CACNB2: variants seen among roughly 807,000 people sequenced by gnomAD.
The protein encoded by CACNB2 is calcium voltage-gated channel auxiliary subunit beta 2.
A neutral mutation model predicts 73.3 loss-of-function variants in CACNB2; 42 were observed. The ratio of observed to expected loss-of-function variants is 0.57; its 90% CI spans 0.45 to 0.74. The LOEUF is 0.74. Among genes scored for constraint, CACNB2 ranks in the 30% least tolerant of loss-of-function variants. The pLI is 0.00. For synonymous variants in CACNB2, 348 were observed against 310.3 expected (o/e 1.12, Z -1.28); for missense variants, 940 against 853.0 (o/e 1.10, Z -1.27).
At chr10:18,312,345 C>T (rs191319622) in intron 2 of CACNB2, among the ~76,000 whole-genome samples, 80 of 152,210 alleles carry the variant, frequency 5.3e-4, no homozygotes, top group African/African-American at 1.8e-3. Context: ...TGCACAAGCT[C>T]CTTTACATAA....
At chr10:18,241,441 G>A (rs866548821) in intron 2 of CACNB2, among the ~76,000 whole-genome samples, 18 of 152,268 alleles carry the variant, frequency 1.2e-4, no homozygotes, top group African/African-American at 3.9e-4. Flanking sequence ...TCACGAGGTG[G>A]GAGGCTAGGG....
chr10:18,233,294 C>A (rs2036294685), intron 2 of CACNB2, among the ~76,000 whole-genome samples: 1 of 152,104 alleles, frequency 6.6e-6, no homozygotes, highest in Admixed American at 6.5e-5. Context: ...ACAGTTTATG[C>A]TTGAGGATGG....
At chr10:18,167,025 A>G (rs1027272653) in intron 2 of CACNB2, among the ~76,000 whole-genome samples, 2 of 152,200 alleles carry the variant, frequency 1.3e-5, no homozygotes, top group Non-Finnish European at 2.9e-5. Context: ...GAAATCCTGG[A>G]AAGCCCTGGG....
chr10:18,526,259 CCTGGCTACCAAAA>C (rs1392791607), intron 9 of CACNB2, among the ~76,000 whole-genome samples: 22 of 152,164 alleles, frequency 1.4e-4, no homozygotes, highest in Non-Finnish European at 2.8e-4. Flanking sequence ...TAAATATAAG[CCTGGCTACCAAAA>C]CTGTACAATG....
At chr10:18,469,392 G>A (rs762658411) in intron 3 of CACNB2, among the ~76,000 whole-genome samples, 27 of 152,084 alleles carry the variant, frequency 1.8e-4, no homozygotes, top group East Asian at 3.9e-4. Context: ...CCTTTATTTC[G>A]TTGCTAATAT....
chr10:18,258,477 C>G (rs1056064966), intron 2 of CACNB2, among the ~76,000 whole-genome samples: 2 of 152,086 alleles, frequency 1.3e-5, no homozygotes, highest in African/African-American at 4.8e-5. Context: ...CCTGTAATCC[C>G]AGCACTTTGG....
At chr10:18,227,645 G>C (rs11814908) in intron 2 of CACNB2, among the ~76,000 whole-genome samples, 31,498 of 152,090 alleles carry the variant, frequency 0.21, 3,947 homozygotes, top group African/African-American at 0.36. Flanking sequence ...AAGACAGGCA[G>C]ATCTCTGCGC....
chr10:18,484,962 C>T (rs181108819), intron 3 of CACNB2, among the ~76,000 whole-genome samples: 1 of 152,138 alleles, frequency 6.6e-6, no homozygotes, highest in African/African-American at 2.4e-5. Flanking sequence ...GGAGACCAGC[C>T]TGGACAACAT....
intron 2 of CACNB2, among the ~76,000 whole-genome samples, chr10:18,393,131 C>T (rs2043557399): frequency 6.6e-6 from 1 of 151,144 alleles, no homozygotes; most frequent in Non-Finnish European, 1.5e-5. Context: ...ATCGCTTGAA[C>T]CCGGGAAGCG....
At position 18,295,837 on chromosome 10, in the gene CACNB2, T is replaced by C. The variant is rs138591715; in HGVS notation, c.214-106087T>C. On this transcript the variant is annotated intron_variant, in intron 2 of 13. Transcript: ENST00000324631. ...TGGCTAAAAGACTAACAATGACAAT[T>C]AAACATACTGCATAGACGATGAGAC... Among the ~76,000 whole-genome samples, 845 of 152,230 alleles carry C rather than the reference T, an allele frequency of 5.6e-3. 3 individuals are homozygous for C. Among genetic ancestry groups the C allele is most frequent in the Middle Eastern group, 6.8e-3 (2 of 294 alleles).
chr10:18,301,856 C>T (rs1179775904), intron 2 of CACNB2, among the ~76,000 whole-genome samples: 1 of 151,858 alleles, frequency 6.6e-6, no homozygotes, highest in East Asian at 2.0e-4. Flanking sequence ...ACCATGTTGG[C>T]CAGGCTGGTC....
chr10:18,304,946 GTA>G (rs918037802), intron 2 of CACNB2, among the ~76,000 whole-genome samples: 30 of 152,274 alleles, frequency 2.0e-4, no homozygotes, highest in Non-Finnish European at 5.9e-5. Context: ...GGAATAAGAT[GTA>G]ATGGAAATTG....
chr10:18,315,528 A>AAAAAAT (rs1306024951), intron 2 of CACNB2, among the ~76,000 whole-genome samples: 1 of 90,138 alleles, frequency 1.1e-5, no homozygotes, highest in Non-Finnish European at 2.4e-5. Flanking sequence ...AAAAAAAAAA[A>AAAAAAT]CTTTTTTTTT....
At chr10:18,141,667 G>GGTTTTTAC (rs67368806) in intron 1 of CACNB2, among the ~76,000 whole-genome samples, 2 of 152,052 alleles carry the variant, frequency 1.3e-5, no homozygotes, top group Non-Finnish European at 2.9e-5. Flanking sequence ...ATGACAAGGT[G>GGTTTTTAC]GTTTTTACGT....
chr10:18,260,397 C>T, intron 2 of CACNB2: 5 of 982,348 alleles, frequency 5.1e-6, no homozygotes, highest in Non-Finnish European at 6.0e-6. Context: ...ATTCGCCTTC[C>T]AGAGTTATGT....
chr10:18,534,979 A>C (rs996924763), intron 11 of CACNB2, among the ~76,000 whole-genome samples: 2 of 152,246 alleles, frequency 1.3e-5, no homozygotes, highest in African/African-American at 4.8e-5. Flanking sequence ...TTCAGACAAC[A>C]ATCAGAATTT....
At chr10:18,222,649 T>G (rs2035839104) in intron 2 of CACNB2, among the ~76,000 whole-genome samples, 1 of 152,136 alleles carries the variant, frequency 6.6e-6, no homozygotes, top group Non-Finnish European at 1.5e-5. Flanking sequence ...ATAAAAGATG[T>G]GAAATGGCCA....
rs143151170 is a variant in CACNB2, at chr10:18,349,521, C to A, written c.214-52403C>A. Among the ~76,000 whole-genome samples, 762 of 152,246 alleles carry A rather than the reference C, an allele frequency of 5.0e-3. 9 individuals carry two copies. The highest frequency in any genetic ancestry group is 0.018 in the African/African-American group (735 of 41,528). ...CCATTTTCCATTCCAGCAGCATAAA[C>A]CTGGCTCAAAATGCCATTAAAATTG... On this transcript the variant is annotated intron_variant, in intron 2 of 13. Transcript: ENST00000324631.
At chr10:18,151,316 G>A (rs969522458) in intron 2 of CACNB2, 1 of 226,686 alleles carries the variant, frequency 4.4e-6, no homozygotes, top group Non-Finnish European at 8.5e-6. Flanking sequence ...ATGTGCATCT[G>A]TATCCCTACC....
Sources: allele counts gnomAD v4.1 joint callset (sites outside exome capture counted in the v4.1 genomes callset), GRCh38; gene constraint gnomAD v4.1.1; transcripts MANE v1.5; gene names NCBI Gene and HGNC (gene_info 2026-07-23, HGNC 2026-07-21).